Variants in GRM7 observed in about 807,000 individuals in gnomAD.
GRM7 encodes metabotropic glutamate receptor 7.
A neutral mutation model predicts 84.5 loss-of-function variants in GRM7; 35 were observed. That is an observed-to-expected ratio of 0.41 (90% confidence interval 0.32 to 0.55). GRM7 has a LOEUF of 0.55. GRM7 is among the 20% of genes least tolerant of loss of function. GRM7 has a pLI of 0.19. For missense variants in GRM7, 1,003 were observed against 1,194.6 expected, an observed-to-expected ratio of 0.84 and a Z score of 2.36; for synonymous variants, 487 against 455.1, an observed-to-expected ratio of 1.07 and a Z score of -0.89.
intron 8 of GRM7, among the ~76,000 whole-genome samples, chr3:7,610,656 G>A (rs1430421647): frequency 1.3e-5 from 2 of 152,142 alleles, no homozygotes; most frequent in Non-Finnish European, 2.9e-5. Context: ...TTAGGTATGA[G>A]GTATATCCAA....
intron 7 of GRM7, among the ~76,000 whole-genome samples, chr3:7,542,517 T>C: frequency 6.6e-6 from 1 of 152,066 alleles, no homozygotes; most frequent in Admixed American, 6.6e-5. Flanking sequence ...TTTCATTCTT[T>C]TTCTTTTTAA....
intron 8 of GRM7, among the ~76,000 whole-genome samples, chr3:7,587,841 G>T (rs952728802): frequency 6.6e-6 from 1 of 152,224 alleles, no homozygotes; most frequent in East Asian, 1.9e-4. Context: ...ATCCCTTAGA[G>T]CAAAAGTTGG....
chr3:7,720,617 C>T (rs554270568), intron 9 of GRM7, among the ~76,000 whole-genome samples: 1 of 152,290 alleles, frequency 6.6e-6, no homozygotes, highest in South Asian at 2.1e-4. Flanking sequence ...CACTTTACAG[C>T]ATTTGCAGCT....
intron 1 of GRM7, among the ~76,000 whole-genome samples, chr3:7,043,234 G>A (rs375328986): frequency 2.0e-5 from 3 of 152,142 alleles, no homozygotes; most frequent in Non-Finnish European, 2.9e-5. Flanking sequence ...ATATTGAAGC[G>A]GGGGGAGGGG....
intron 9 of GRM7, chr3:7,686,472 T>C: frequency 1.0e-6 from 1 of 989,368 alleles, no homozygotes; most frequent in Non-Finnish European, 1.6e-6. Context: ...CTAATTCTTA[T>C]TTATTTATGT....
chr3:7,531,846 T>G (rs2875321), intron 7 of GRM7, among the ~76,000 whole-genome samples: 12 of 152,080 alleles, frequency 7.9e-5, no homozygotes, highest in African/African-American at 2.9e-4. Flanking sequence ...CTATGTTGAA[T>G]AGGAGTGGGG....
At chr3:6,966,660 T>A (rs1693532943) in intron 1 of GRM7, among the ~76,000 whole-genome samples, 1 of 152,208 alleles carries the variant, frequency 6.6e-6, no homozygotes, top group African/African-American at 2.4e-5. Flanking sequence ...AGTGTATCTA[T>A]TAGAAAGTTC....
chr3:7,196,058 A>T (rs563826799), intron 2 of GRM7, among the ~76,000 whole-genome samples: 29 of 152,128 alleles, frequency 1.9e-4, no homozygotes, highest in African/African-American at 7.0e-4. Context: ...ACCTACAGAG[A>T]AAAAGATATT....
intron 7 of GRM7, among the ~76,000 whole-genome samples, chr3:7,502,539 G>A (rs373823301): frequency 3.2e-4 from 49 of 152,168 alleles, no homozygotes; most frequent in African/African-American, 9.4e-4. Context: ...AGCATAATTC[G>A]AAGATGAAAA....
intron 1 of GRM7, among the ~76,000 whole-genome samples, chr3:6,915,312 G>C (rs1696906342): frequency 6.6e-6 from 1 of 152,072 alleles, no homozygotes; most frequent in African/African-American, 2.4e-5. Context: ...AACAGTTTTT[G>C]GTGGTTGTCG....
chr3:7,153,539 A>G (rs1168163773), intron 2 of GRM7, among the ~76,000 whole-genome samples: 1 of 152,168 alleles, frequency 6.6e-6, no homozygotes, highest in African/African-American at 2.4e-5. Context: ...GAATTTAAAA[A>G]TAATGTGTTA....
At chr3:7,583,633 T>A (rs917551976) in intron 8 of GRM7, among the ~76,000 whole-genome samples, 1 of 152,218 alleles carries the variant, frequency 6.6e-6, no homozygotes, top group East Asian at 1.9e-4. Context: ...TTCGTAAAGA[T>A]TAATCGACTT....
At chr3:7,639,833 A>G (rs1182592467) in intron 8 of GRM7, among the ~76,000 whole-genome samples, 1 of 152,194 alleles carries the variant, frequency 6.6e-6, no homozygotes, top group Non-Finnish European at 1.5e-5. Context: ...TCCATCACTC[A>G]GAAAGTTTTT....
chr3:7,226,461 A>G (rs926503967), intron 2 of GRM7, among the ~76,000 whole-genome samples: 4 of 152,044 alleles, frequency 2.6e-5, no homozygotes, highest in Admixed American at 6.6e-5. Context: ...CTTCCCACTG[A>G]TTTTTGCTTC....
intron 5 of GRM7, among the ~76,000 whole-genome samples, chr3:7,448,022 A>G (rs1697598546): frequency 1.3e-5 from 2 of 150,832 alleles, no homozygotes; most frequent in Non-Finnish European, 2.9e-5. Context: ...TCCTTGCGAT[A>G]GTTTACTGAG....
intron 7 of GRM7, among the ~76,000 whole-genome samples, chr3:7,503,802 C>A (rs1203042123): frequency 6.6e-6 from 1 of 152,076 alleles, no homozygotes; most frequent in African/African-American, 2.4e-5. Context: ...CTTTTTCAGG[C>A]CAGACGAGAT....
chr3:7,263,789 C>T (rs1698529942), intron 2 of GRM7, among the ~76,000 whole-genome samples: 1 of 151,964 alleles, frequency 6.6e-6, no homozygotes, highest in South Asian at 2.1e-4. Flanking sequence ...CACCAATAGT[C>T]CCACAGCAAT....
At chr3:7,715,152 A>G (rs1701728487) in intron 9 of GRM7, among the ~76,000 whole-genome samples, 2 of 152,112 alleles carry the variant, frequency 1.3e-5, no homozygotes, top group South Asian at 2.1e-4. Flanking sequence ...CTTCTACTCT[A>G]TCTATGACAA....
chr3:7,414,977 C>T (rs1696101483), intron 4 of GRM7, 46 bp from the exon 5 acceptor site: 2 of 1,491,368 alleles, frequency 1.3e-6, no homozygotes, highest in African/African-American at 1.4e-5. Context: ...CTGAATGTGC[C>T]AGCAGTGCCC....
Sources: allele counts gnomAD v4.1 joint callset (sites outside exome capture counted in the v4.1 genomes callset), GRCh38; gene constraint gnomAD v4.1.1; transcripts MANE v1.5; gene names NCBI Gene and HGNC (gene_info 2026-07-23, HGNC 2026-07-21).